PC: variants seen among roughly 807,000 people sequenced by gnomAD.
PC encodes the protein pyruvate carboxylase.
PC carries 46 observed loss-of-function variants against 107.8 expected under a neutral mutation model. The observed-to-expected ratio is 0.43, with a 90% CI of 0.34 to 0.55. PC has a LOEUF of 0.55. PC is among the 20% of genes least tolerant of loss of function. The pLI, the probability that PC is intolerant of heterozygous loss-of-function variation, is 0.04. For missense variants in PC, 1,241 were observed against 1,643.1 expected, an observed-to-expected ratio of 0.76 and a Z score of 4.23; for synonymous variants, 662 against 684.7, an observed-to-expected ratio of 0.97 and a Z score of 0.52.
At chr11:66,896,344 G>T (rs776256405) in intron 3 of PC, among the ~76,000 whole-genome samples, 1 of 152,188 alleles carries the variant, frequency 6.6e-6, no homozygotes, top group Non-Finnish European at 1.5e-5. Flanking sequence ...CTCCCAAAGT[G>T]CTGGGATTAC....
intron 3 of PC, among the ~76,000 whole-genome samples, chr11:66,950,847 T>C (rs1591320294): frequency 6.6e-6 from 1 of 152,014 alleles, no homozygotes; most frequent in Non-Finnish European, 1.5e-5. Context: ...GGGGGAACCT[T>C]CCCCAACATG....
chr11:66,946,276 C>T (rs983310250), intron 3 of PC, among the ~76,000 whole-genome samples: 1 of 151,828 alleles, frequency 6.6e-6, no homozygotes, highest in Non-Finnish European at 1.5e-5. Context: ...GCAGGTGGAT[C>T]GCATGATAGC....
At chr11:66,893,721 G>T (rs1349921541) in intron 3 of PC, among the ~76,000 whole-genome samples, 1 of 151,964 alleles carries the variant, frequency 6.6e-6, no homozygotes, top group African/African-American at 2.4e-5. Context: ...GAAGCGTGGG[G>T]GTGTAAAATC....
chr11:66,951,565 G>A (rs1210873309), intron 3 of PC, among the ~76,000 whole-genome samples: 1 of 152,098 alleles, frequency 6.6e-6, no homozygotes, highest in Non-Finnish European at 1.5e-5. Context: ...AGACCAGCCT[G>A]ACCAACATGG....
chr11:66,858,689 C>T lies in PC; in HGVS notation c.1368+5085G>A. The T allele has an allele frequency of 5.2e-6, 8 of 1,547,186 alleles. No homozygotes were observed. The highest frequency in any genetic ancestry group is 1.2e-5 in the South Asian group (1 of 84,354). ...ACCCCGCGCCTACCATGCACTGGGT[C>T]GGTCCTGACGACCGGTTGGTTGGCA... On this transcript the variant is annotated intron_variant, in intron 12 of 22. Coordinates refer to ENST00000393960, the MANE Select transcript of PC (RefSeq NM_001040716.2). The surrounding 1 kb of genome is among the most constrained non-coding windows in gnomAD (Gnocchi z 5.9).
chr11:66,946,016 G>C (rs1486534910), intron 3 of PC, among the ~76,000 whole-genome samples: 3 of 149,934 alleles, frequency 2.0e-5, no homozygotes, highest in African/African-American at 7.4e-5. Context: ...AACCCGGGAA[G>C]CGAAGCTTGC....
At position 66,876,272 on chromosome 11, in the gene PC, C is replaced by T. The variant is rs143576120; in HGVS notation, c.1-4113G>A. On this transcript the variant is annotated intron_variant, in intron 3 of 22. Coordinates refer to ENST00000393960, the MANE Select transcript of PC (RefSeq NM_001040716.2). ...ACAGCCTCATTCTTAGGGAAAAACA[C>T]TGAGGAACTCAAGGGTCCACGAGCA... 2.6e-5 allele frequency among the ~76,000 whole-genome samples: 4 copies of T among 152,338 alleles called. No homozygotes were observed. The East Asian group carries it at 7.7e-4, about 29-fold the overall frequency.
At chr11:66,863,728 C>G (rs765313130) in intron 12 of PC, 46 bp downstream of exon 12, 2 of 1,577,128 alleles carry the variant, frequency 1.3e-6, no homozygotes, top group African/African-American at 1.3e-5. Flanking sequence ...TCAGGGGGCC[C>G]TCCAAGGGCC....
Position 66,857,683 on chromosome 11 carries a change from T to G in PC, c.1369-4300A>C. 1 of 1,512,760 alleles carries G rather than the reference T, an allele frequency of 6.6e-7. No homozygotes were observed. Among genetic ancestry groups the G allele is most frequent in the East Asian group, 2.3e-5 (1 of 43,108 alleles). The allele number at this position is 1,512,760 out of a possible 1,614,324, so 93.7% of individuals were successfully genotyped here. A position where few individuals can be genotyped will look rare whatever the true frequency, so the allele number is the denominator to read the frequency against. ...CTTCTGGGACTGTCCTGGGCCCAAG[T>G]GGGCACCTGCGCCAGCCCCACCTGT... On this transcript the variant is annotated intron_variant, in intron 12 of 22. Transcript: ENST00000393960. This position sits in a 1 kb window ranked among gnomAD's most constrained non-coding sequence, Gnocchi z 7.1.
At chr11:66,873,413 TATATA>T (rs1309607496) in intron 3 of PC, among the ~76,000 whole-genome samples, 46 of 90,742 alleles carry the variant, frequency 5.1e-4, no homozygotes, top group Admixed American at 9.4e-4. Flanking sequence ...AATATAAATA[TATATA>T]ATATATTATA....
At chr11:66,893,294 A>G (rs749851315) in intron 3 of PC, among the ~76,000 whole-genome samples, 1 of 152,186 alleles carries the variant, frequency 6.6e-6, no homozygotes, top group Non-Finnish European at 1.5e-5. Context: ...CACTTCCCTA[A>G]GAGCCACTCC....
In PC at chr11:66,866,178, TCCGC is replaced by T. The variant is rs748620956; in HGVS notation, c.1185+5_1185+8del. The T allele has an allele frequency of 3.4e-4, 539 of 1,605,122 alleles. 1 individual carries two copies. The highest frequency in any genetic ancestry group is 4.2e-4 in the South Asian group (38 of 90,846). ...AGCTGGCATCTCCCTCTGCTCGAGC[TCCGC>T]CCACCTCAATGCGGCCGGTGTCCGG... On this transcript the variant is annotated splice_donor_5th_base_variant and intron_variant, in intron 11 of 22. Transcript: ENST00000393960. The surrounding 1 kb of genome is among the most constrained non-coding windows in gnomAD (Gnocchi z 5.4).
chr11:66,876,605 G>A (rs539051132), intron 3 of PC, among the ~76,000 whole-genome samples: 1 of 152,320 alleles, frequency 6.6e-6, no homozygotes, highest in East Asian at 1.9e-4. Context: ...AACGTCAGAC[G>A]TTATCACCCT....
intron 12 of PC, chr11:66,859,659 C>G: frequency 6.2e-7 from 1 of 1,613,060 alleles, no homozygotes; most frequent in Non-Finnish European, 8.5e-7. Context: ...CTCCAGCCAC[C>G]ACTTCCTGCT....
intron 3 of PC, among the ~76,000 whole-genome samples, chr11:66,918,750 T>C (rs1273894492): frequency 6.6e-6 from 1 of 152,024 alleles, no homozygotes; most frequent in Admixed American, 6.6e-5. Context: ...GGCAGAAGAA[T>C]AAATAAAAGG....
chr11:66,873,557 T>TAA (rs1388965948), intron 3 of PC, among the ~76,000 whole-genome samples: 7 of 107,420 alleles, frequency 6.5e-5, no homozygotes, highest in Non-Finnish European at 1.2e-4. Context: ...TATTATAATA[T>TAA]TATATAATAT....
intron 3 of PC, among the ~76,000 whole-genome samples, chr11:66,891,223 A>AC (rs1947562798): frequency 6.6e-6 from 1 of 150,814 alleles, no homozygotes; most frequent in African/African-American, 2.4e-5. Context: ...TGCCCAACTA[A>AC]TTTTTTTTGT....
chr11:66,926,529 C>T (rs563714072), intron 3 of PC, among the ~76,000 whole-genome samples: 1 of 152,306 alleles, frequency 6.6e-6, no homozygotes, highest in South Asian at 2.1e-4. Flanking sequence ...GTCAACACAA[C>T]CGGGGTCTAG....
At position 66,870,445 on chromosome 11, in the gene PC, A is replaced by G. The variant is rs773409121; in HGVS notation, c.760T>C (p.Tyr254His). 9.3e-6 allele frequency: 15 copies of G among 1,613,442 alleles called. 1 individual carries two copies. The East Asian group carries it at 2.0e-4, about 22-fold the overall frequency. Reference protein sequence around the residue: ...HIEVQILGDQYGNILHLYERD... With the variant: ...HIEVQILGDQHGNILHLYERD... The stretch of plus-strand genomic sequence containing the variant: ...TCGTACAGGTGCAGGATGTTCCCAT[A>G]CTGGTCCCCTGGGGAGGGAGGTAAA... The change falls in exon 9 of 23, where the codon TAT (tyrosine) becomes CAT (histidine). Residue 254 changes from tyrosine to histidine, a missense_variant. Transcript: ENST00000393960. This position sits in a 1 kb window ranked among gnomAD's most constrained non-coding sequence, Gnocchi z 6.1.
Sources: allele counts gnomAD v4.1 joint callset (sites outside exome capture counted in the v4.1 genomes callset), GRCh38; gene constraint gnomAD v4.1.1; non-coding constraint Gnocchi (gnomAD v3.1); transcripts MANE v1.5; gene names NCBI Gene and HGNC (gene_info 2026-07-23, HGNC 2026-07-21).